ITGA1: variants seen among roughly 807,000 people sequenced by gnomAD.
ITGA1 encodes the protein integrin alpha-1.
ITGA1 carries 85 observed loss-of-function variants against 145.9 expected under a neutral mutation model. The ratio of observed to expected loss-of-function variants is 0.58; its 90% CI spans 0.49 to 0.70. The LOEUF (loss-of-function observed/expected upper bound fraction) is 0.70, where lower values mean the gene tolerates loss of function less well. Among genes scored for constraint, ITGA1 ranks in the 30% least tolerant of loss-of-function variants. The pLI, the probability that ITGA1 is intolerant of heterozygous loss-of-function variation, is 0.00. For synonymous variants in ITGA1, 520 were observed against 495.3 expected, an observed-to-expected ratio of 1.05 and a Z score of -0.66; for missense variants, 1,351 against 1,418.7, an observed-to-expected ratio of 0.95 and a Z score of 0.77.
chr5:52,883,638 T>C (rs1561236695), intron 7 of ITGA1, among the ~76,000 whole-genome samples: 1 of 152,228 alleles, frequency 6.6e-6, no homozygotes, highest in Admixed American at 6.5e-5. Flanking sequence ...TTTGTGTGTG[T>C]GTGTTCCCTT....
intron 2 of ITGA1, among the ~76,000 whole-genome samples, chr5:52,859,712 C>T (rs1461487771): frequency 6.6e-6 from 1 of 152,154 alleles, no homozygotes; most frequent in Non-Finnish European, 1.5e-5. Flanking sequence ...TTTCTCCATG[C>T]CGAACATCCC....
chr5:52,865,406 A>C (rs1357630863), intron 5 of ITGA1, among the ~76,000 whole-genome samples: 2 of 152,246 alleles, frequency 1.3e-5, no homozygotes, highest in Non-Finnish European at 2.9e-5. Context: ...ATAAAAACTT[A>C]TATAAAATTC....
chr5:52,873,780 G>A (rs1383443600), intron 6 of ITGA1, among the ~76,000 whole-genome samples: 1 of 152,030 alleles, frequency 6.6e-6, no homozygotes, highest in Non-Finnish European at 1.5e-5. Context: ...CATCTTACAG[G>A]AACACACAAA....
chr5:52,895,518 T>G (rs773495709), intron 9 of ITGA1, among the ~76,000 whole-genome samples: 1 of 152,152 alleles, frequency 6.6e-6, no homozygotes, highest in Admixed American at 6.5e-5. Flanking sequence ...TCTGTAAAAA[T>G]AATTTAAAAG....
intron 8 of ITGA1, chr5:52,889,625 C>T (rs968272197): frequency 1.3e-4 from 19 of 151,684 alleles, no homozygotes; most frequent in African/African-American, 4.4e-4. Flanking sequence ...GGGGGAGCCT[C>T]AGACCTGGAG....
Position 52,918,872 on chromosome 5 carries a change from C to T in ITGA1, c.2129C>T (p.Ser710Phe), listed in dbSNP as rs150620184. 3.7e-4 allele frequency: 590 copies of T among 1,597,906 alleles called. 2 individuals are homozygous for T. Among genetic ancestry groups the T allele is most frequent in the Admixed American group, 1.1e-3 (60 of 56,254 alleles). ...ATVCFDVKLK[S>F]KEDTIYEADL... The stretch of plus-strand genomic sequence containing the variant: ...GTGTGTTTTGATGTGAAATTAAAGT[C>T]TAAAGAAGACACGATTTATGAAGCT... The change falls in exon 16 of 29, where the codon TCT becomes TTT. Residue 710 changes from serine to phenylalanine, a missense_variant. By Grantham distance (155) the Ser-to-Phe change is radical. Transcript: ENST00000282588.
chr5:52,801,808 C>T (rs1748494473), intron 1 of ITGA1: 1 of 1,611,822 alleles, frequency 6.2e-7, no homozygotes. Context: ...ACTTTCTGAC[C>T]AAGAGGGTGA....
intron 9 of ITGA1, 42 bp from the exon 10 acceptor site, chr5:52,897,413 G>A (rs1750243331): frequency 7.4e-7 from 1 of 1,352,656 alleles, no homozygotes; most frequent in East Asian, 2.3e-5. Context: ...TGCATGAAAA[G>A]GCATTGTTAC....
intron 2 of ITGA1, among the ~76,000 whole-genome samples, chr5:52,849,930 T>C (rs1180220436): frequency 6.6e-6 from 1 of 152,174 alleles, no homozygotes; most frequent in Non-Finnish European, 1.5e-5. Context: ...CTAATGTTTA[T>C]AATGAACTTT....
At chr5:52,856,307 T>G (rs1749510761) in intron 2 of ITGA1, among the ~76,000 whole-genome samples, 1 of 152,138 alleles carries the variant, frequency 6.6e-6, no homozygotes, top group Non-Finnish European at 1.5e-5. Context: ...ACAATAGCTC[T>G]CCTATTAGCA....
intron 23 of ITGA1, among the ~76,000 whole-genome samples, chr5:52,936,417 T>G (rs900397911): frequency 6.6e-6 from 1 of 152,182 alleles, no homozygotes; most frequent in African/African-American, 2.4e-5. Flanking sequence ...ATGTATTTCG[T>G]CTTTACAAAC....
intron 12 of ITGA1, among the ~76,000 whole-genome samples, chr5:52,907,741 G>T (rs560670384): frequency 2.6e-5 from 4 of 152,170 alleles, no homozygotes; most frequent in African/African-American, 9.7e-5. Context: ...CACAGGAAGT[G>T]GTGGGAACCA....
intron 15 of ITGA1, among the ~76,000 whole-genome samples, chr5:52,915,809 GTGTC>G (rs1750638521): frequency 1.3e-5 from 2 of 152,186 alleles, no homozygotes; most frequent in South Asian, 4.1e-4. Flanking sequence ...TTAATTTGGT[GTGTC>G]TATTATGTGG....
rs1124141 is a variant in ITGA1, at chr5:52,954,427, G to A, written c.*1976G>A. The stretch of plus-strand genomic sequence containing the variant: ...TAAGTGTGCACTTTTAAACTAAATT[G>A]TTAACTGAAAGGGAAAAAATAGAAA... On this transcript the variant is annotated 3_prime_UTR_variant, in exon 29 of 29. Transcript: ENST00000282588. 79,420 of 151,922 alleles carry A rather than the reference G, an allele frequency of 0.52. 21,327 individuals carry two copies. The highest frequency in any genetic ancestry group is 0.59 in the Middle Eastern group (172 of 294). 9.4% of individuals were successfully genotyped at this position (151,922 alleles called of 1,614,324 possible).
chr5:52,892,962 CAG>C (rs1750173323), intron 8 of ITGA1, among the ~76,000 whole-genome samples: 1 of 151,726 alleles, frequency 6.6e-6, no homozygotes, highest in African/African-American at 2.4e-5. Flanking sequence ...TACATCTAAA[CAG>C]GGTGAATTTT....
chr5:52,924,774 GAGT>G (rs896887502), intron 18 of ITGA1, among the ~76,000 whole-genome samples: 18 of 152,220 alleles, frequency 1.2e-4, no homozygotes, highest in African/African-American at 4.1e-4. Context: ...TTTAGAAGAG[GAGT>G]AGAATGGACA....
intron 3 of ITGA1, among the ~76,000 whole-genome samples, chr5:52,861,859 G>A (rs2111772079): frequency 9.6e-6 from 1 of 103,932 alleles, no homozygotes; most frequent in South Asian, 3.8e-4. Flanking sequence ...GACAGAGTGA[G>A]ACCCTGTCTC....
intron 1 of ITGA1, among the ~76,000 whole-genome samples, chr5:52,815,964 G>T (rs1233104394): frequency 6.6e-6 from 1 of 152,128 alleles, no homozygotes; most frequent in African/African-American, 2.4e-5. Context: ...TTGATGACAT[G>T]AATAACATAC....
At chr5:52,887,748 A>C in intron 7 of ITGA1, 67 bp from the exon 8 acceptor site, 1 of 1,458,970 alleles carries the variant, frequency 6.9e-7, no homozygotes, top group Non-Finnish European at 9.2e-7. Context: ...GTTTTTGTTT[A>C]GTTTTTTACT....
Sources: allele counts gnomAD v4.1 joint callset (sites outside exome capture counted in the v4.1 genomes callset), GRCh38; gene constraint gnomAD v4.1.1; transcripts MANE v1.5; gene names NCBI Gene and HGNC (gene_info 2026-07-23, HGNC 2026-07-21).